The following SLC12A8 variants were observed in gnomAD, a reference collection of about 807,000 sequenced individuals.
SLC12A8 encodes the protein cation-chloride cotransporter 9.
In SLC12A8, 69 loss-of-function variants were observed where a neutral mutation model predicts 75.6. The ratio of observed to expected loss-of-function variants is 0.91; its 90% CI spans 0.75 to 1.11. The LOEUF (loss-of-function observed/expected upper bound fraction) is 1.11. SLC12A8 is among the 50% of genes most tolerant of loss of function. The pLI, the probability that SLC12A8 is intolerant of heterozygous loss-of-function variation, is 0.00. For synonymous variants in SLC12A8, 365 were observed against 372.8 expected (o/e 0.98, Z 0.24); for missense variants, 877 against 896.7 (o/e 0.98, Z 0.28).
chr3:125,150,530 C>T (rs1010138231), intron 5 of SLC12A8, among the ~76,000 whole-genome samples: 12 of 152,100 alleles, frequency 7.9e-5, no homozygotes, highest in Admixed American at 2.0e-4. Flanking sequence ...GATTACTAGT[C>T]CAAAATTTGA....
chr3:125,200,555 G>A (rs1935100801), intron 2 of SLC12A8, among the ~76,000 whole-genome samples: 1 of 152,136 alleles, frequency 6.6e-6, no homozygotes, highest in Non-Finnish European at 1.5e-5. Context: ...TGGCTGACCT[G>A]GCATTAGGGA....
At chr3:125,202,604 A>G (rs1935145377) in intron 2 of SLC12A8, among the ~76,000 whole-genome samples, 1 of 151,588 alleles carries the variant, frequency 6.6e-6, no homozygotes, top group African/African-American at 2.4e-5. Context: ...CCCTCTATTC[A>G]TAGCTAGGCG....
chr3:125,137,764 C>T (rs142046811), intron 5 of SLC12A8, among the ~76,000 whole-genome samples: 101 of 152,344 alleles, frequency 6.6e-4, no homozygotes, highest in African/African-American at 2.3e-3. Context: ...ACTGGGAAGC[C>T]TTTTCTCTGC....
At chr3:125,140,396 C>A (rs1933601396) in intron 5 of SLC12A8, among the ~76,000 whole-genome samples, 1 of 152,318 alleles carries the variant, frequency 6.6e-6, no homozygotes. Flanking sequence ...AGAAGCCAGG[C>A]CTCTCTCCAG....
chr3:125,147,765 A>G (rs890568932), intron 5 of SLC12A8, among the ~76,000 whole-genome samples: 2 of 152,200 alleles, frequency 1.3e-5, no homozygotes, highest in Non-Finnish European at 2.9e-5. Flanking sequence ...GTGCCCCAGG[A>G]AACTACCTTG....
rs2107727210 is a variant in SLC12A8, at chr3:125,084,050, C to T, written c.1985G>A (p.Ser662Asn). Reference sequence around the variant, plus strand: ...GATCTGCTCCTGAGGGGACCGCAAGCTCCTGCAGTGAGAGAGACACAGAGG... The same window carrying T: ...GATCTGCTCCTGAGGGGACCGCAAGTTCCTGCAGTGAGAGAGACACAGAGG... ...MRSLLLPSCRSLRSPQEQIIL... is the reference protein window; with the variant it reads ...MRSLLLPSCRNLRSPQEQIIL... Residue 662 changes from serine (S) to asparagine (N), a missense_variant and splice_region_variant, in exon 14 of 14, where the codon AGC (serine) becomes AAC (asparagine). Ser to Asn is a conservative substitution (Grantham distance 46, BLOSUM62 1). Transcript: ENST00000469902. 2 of 1,609,916 alleles carry T rather than the reference C, an allele frequency of 1.2e-6. No homozygotes were observed. Among genetic ancestry groups the T allele is most frequent in the East Asian group, 2.2e-5 (1 of 44,750 alleles).
At chr3:125,092,326 G>A in intron 10 of SLC12A8, 128 bp from the exon 11 acceptor site, 2 of 575,666 alleles carry the variant, frequency 3.5e-6, no homozygotes, top group South Asian at 4.0e-5. Context: ...CCCAGGGCTT[G>A]CTCTTGCAGA....
chr3:125,103,831 G>A (rs959348487), intron 10 of SLC12A8, among the ~76,000 whole-genome samples: 1 of 151,856 alleles, frequency 6.6e-6, no homozygotes, highest in African/African-American at 2.4e-5. Flanking sequence ...GCCGGATCTC[G>A]CTATGATGTC....
chr3:125,170,489 A>C (rs1934384408), intron 5 of SLC12A8, among the ~76,000 whole-genome samples: 1 of 152,256 alleles, frequency 6.6e-6, no homozygotes, highest in Non-Finnish European at 1.5e-5. Flanking sequence ...ACTGACATTG[A>C]AGGATATCCA....
intron 7 of SLC12A8, chr3:125,119,891 C>T (rs1933002631): frequency 2.2e-6 from 1 of 456,584 alleles, no homozygotes; most frequent in African/African-American, 2.0e-5. Context: ...GAAGCTTCTT[C>T]CTGTGGTACA....
At chr3:125,174,559 C>A (rs536605726) in intron 5 of SLC12A8, among the ~76,000 whole-genome samples, 4 of 152,122 alleles carry the variant, frequency 2.6e-5, no homozygotes, top group Non-Finnish European at 5.9e-5. Context: ...TTAATAATTG[C>A]CAAAAACTGG....
intron 6 of SLC12A8, among the ~76,000 whole-genome samples, chr3:125,133,580 C>T (rs1308157579): frequency 2.6e-5 from 4 of 152,050 alleles, no homozygotes; most frequent in African/African-American, 2.4e-5. Flanking sequence ...TGCATGCCAC[C>T]ACGCCCAGCT....
intron 5 of SLC12A8, among the ~76,000 whole-genome samples, chr3:125,140,342 T>A (rs756246838): frequency 5.9e-5 from 9 of 152,194 alleles, no homozygotes; most frequent in African/African-American, 2.2e-4. Context: ...GAGGGTTACA[T>A]AGCCAGATCT....
At chr3:125,187,111 A>G (rs1314128128) in intron 4 of SLC12A8, 126 bp downstream of exon 4, 17 of 902,164 alleles carry the variant, frequency 1.9e-5, no homozygotes, top group Non-Finnish European at 2.9e-5. Context: ...CAGAGCCCCA[A>G]CCTGCTCGTC....
chr3:125,085,952 T>G (rs1007995140), intron 13 of SLC12A8, among the ~76,000 whole-genome samples: 3 of 151,818 alleles, frequency 2.0e-5, no homozygotes, highest in African/African-American at 7.3e-5. Flanking sequence ...TTGCTCAGAC[T>G]GGAGCGCAAT....
chr3:125,196,475 T>C (rs1339743715), intron 2 of SLC12A8, among the ~76,000 whole-genome samples: 2 of 152,200 alleles, frequency 1.3e-5, no homozygotes, highest in African/African-American at 4.8e-5. Flanking sequence ...TTCTCACAGT[T>C]GGAGAAGGAA....
intron 8 of SLC12A8, among the ~76,000 whole-genome samples, chr3:125,111,912 C>T (rs79331947): frequency 0.018 from 2,765 of 152,336 alleles, 35 homozygotes; most frequent in Non-Finnish European, 0.029. Context: ...GCACACCCAG[C>T]CTCTTCCCCA....
At chr3:125,183,663 T>C (rs1337062626) in intron 4 of SLC12A8, among the ~76,000 whole-genome samples, 2 of 152,192 alleles carry the variant, frequency 1.3e-5, no homozygotes, top group Non-Finnish European at 2.9e-5. Context: ...CAGTCATTCA[T>C]TGTTTTTATA....
rs1939076504 is a variant in SLC12A8, at chr3:125,107,994, C to T, written c.1192G>A (p.Val398Met). 4 of 1,614,158 alleles carry T rather than the reference C, an allele frequency of 2.5e-6. No individual in the cohort carries two copies. The highest frequency in any genetic ancestry group is 1.1e-5 in the South Asian group (1 of 91,070). The change falls in exon 10 of 14, where the codon GTG becomes ATG. Residue 398 changes from valine to methionine, a missense_variant. Transcript: ENST00000469902. Reference protein sequence around the residue: ...TINFMLTYVAVDYSYFSLSMC... With the variant: ...TINFMLTYVAMDYSYFSLSMC... Reference sequence around the variant, plus strand: ...GACAGGGAGAAGTAAGAGTAGTCCACTGCAACGTATGTCAGCATGAAGTTG... The same window carrying T: ...GACAGGGAGAAGTAAGAGTAGTCCATTGCAACGTATGTCAGCATGAAGTTG...
Sources: gnomAD v4.1 joint callset for allele counts (sites outside exome capture counted in the v4.1 genomes callset) on GRCh38, gnomAD v4.1.1 for gene constraint, MANE v1.5 for transcripts, NCBI Gene and HGNC (gene_info 2026-07-23, HGNC 2026-07-21) for gene names.